The following RUBCN variants were observed in gnomAD, a reference collection of about 807,000 sequenced individuals.
The protein encoded by RUBCN is run domain Beclin-1-interacting and cysteine-rich domain-containing protein.
Under a neutral mutation model 113.2 loss-of-function variants are expected in RUBCN, and 74 were observed. The observed-to-expected ratio is 0.65, with a 90% CI of 0.54 to 0.79. RUBCN has a LOEUF of 0.79. Among genes scored for constraint, RUBCN ranks in the 30% least tolerant of loss-of-function variants. The pLI is 0.00. For synonymous variants in RUBCN, 480 were observed against 490.0 expected (o/e 0.98, Z 0.27); for missense variants, 1,109 against 1,251.7 (o/e 0.89, Z 1.72).
chr3:197,676,649 G>A (rs1448455539), intron 18 of RUBCN: 19 of 1,394,816 alleles, frequency 1.4e-5, no homozygotes, highest in East Asian at 1.1e-4. Context: ...GGTCTTGCCC[G>A]GAGCTACCCA....
chr3:197,724,259 T>G (rs1429249557), intron 1 of RUBCN, among the ~76,000 whole-genome samples: 1 of 151,786 alleles, frequency 6.6e-6, no homozygotes, highest in African/African-American at 2.4e-5. Context: ...CATGTTATAA[T>G]AAGTATGTTA....
chr3:197,692,844 T>C (rs1187925417), intron 11 of RUBCN, among the ~76,000 whole-genome samples: 1 of 152,214 alleles, frequency 6.6e-6, no homozygotes, highest in Non-Finnish European at 1.5e-5. Flanking sequence ...ATGGGCTCTC[T>C]AGATTGTGTA....
intron 9 of RUBCN, 79 bp downstream of exon 9, chr3:197,695,787 A>T: frequency 7.7e-7 from 1 of 1,295,214 alleles, no homozygotes; most frequent in Admixed American, 1.7e-5. Flanking sequence ...CCAAAACCTC[A>T]TCAGAACAAA....
chr3:197,709,181 C>T (rs1472600354), intron 2 of RUBCN, among the ~76,000 whole-genome samples: 3 of 152,140 alleles, frequency 2.0e-5, no homozygotes, highest in Non-Finnish European at 2.9e-5. Context: ...TCCCTCACTT[C>T]GTCAATCAGT....
chr3:197,731,263 C>T (rs12233451), intron 1 of RUBCN, among the ~76,000 whole-genome samples: 3 of 152,156 alleles, frequency 2.0e-5, no homozygotes, highest in Admixed American at 2.0e-4. Flanking sequence ...TCAATCCATT[C>T]AACCCTGAGT....
intron 2 of RUBCN, among the ~76,000 whole-genome samples, chr3:197,714,454 G>A (rs966314698): frequency 4.6e-5 from 7 of 152,134 alleles, no homozygotes; most frequent in African/African-American, 1.7e-4. Context: ...CGGAGTAGCT[G>A]AGTCTACAGG....
chr3:197,732,214 T>C lies in RUBCN; in HGVS notation c.65+4441A>G, dbSNP rs143998956. On this transcript the variant is annotated intron_variant, in intron 1 of 19. Transcript: ENST00000296343. The stretch of plus-strand genomic sequence containing the variant: ...GCTGCAAGCTCAGCAGTAGACTGCA[T>C]GGCCAAGGCAGTCTAGGGAGACAGT... Among the ~76,000 whole-genome samples the C allele has an allele frequency of 3.8e-3, 581 of 152,266 alleles. 7 individuals are homozygous for C. Among genetic ancestry groups the C allele is most frequent in the African/African-American group, 0.013 (553 of 41,522 alleles).
At position 197,693,816 on chromosome 3, in the gene RUBCN, C is replaced by G. The variant is rs1560423728; in HGVS notation, c.1685G>C (p.Ser562Thr). Residue 562 changes from serine to threonine, a missense_variant and splice_region_variant, in exon 11 of 20, where the codon AGC becomes ACC. Physicochemically the swap from Ser to Thr is moderately conservative, Grantham distance 58 (BLOSUM62 1). Coordinates refer to ENST00000296343, the MANE Select transcript of RUBCN (RefSeq NM_014687.4). ...GGAGCTGCTGGAGGTGACCCGAAAG[C>G]CTGTTATGTTTAAAAACAAAAAGGA... ...LPMYQEAEHG[S>T]FRVTSSSSQF... is the part of the protein sequence containing the mutation. The G allele has an allele frequency of 5.0e-6, 8 of 1,611,948 alleles. No homozygotes were observed. Among genetic ancestry groups the G allele is most frequent in the Non-Finnish European group, 6.8e-6 (8 of 1,178,092 alleles).
rs1310477889 is a variant in RUBCN at position 197,678,295 on chromosome 3, CAACTGGCTTCAGACTGTCCTATGCTCTAA to C, written c.2431-783_2431-755del. Reference sequence around the variant, plus strand: ...GGCTCCAGACTGTCCTATGCTCTGACAACTGGCTTCAGACTGTCCTATGCTCTAACTCGACAACTGGCTTCAGACTGTCC... The same window carrying C: ...GGCTCCAGACTGTCCTATGCTCTGACCTCGACAACTGGCTTCAGACTGTCC... On this transcript the variant is annotated intron_variant, in intron 16 of 19. Transcript: ENST00000296343. Among the ~76,000 whole-genome samples, 808 of 152,166 alleles carry C rather than the reference CAACTGGCTTCAGACTGTCCTATGCTCTAA, an allele frequency of 5.3e-3. 6 individuals carry two copies. The highest frequency in any genetic ancestry group is 0.017 in the Middle Eastern group (5 of 294).
rs1274996203 is a variant in RUBCN, at chr3:197,704,639, G to A, written c.366C>T (p.Ala122=). ...GCAGGCTGTGCTGCAGCCACAGCTC[G>A]GCAACAGCACGTTCACTGGCACCAT... ...SADGASERAV[A]ELWLQHSLQY... Residue 122 remains alanine (A), a synonymous_variant, in exon 4 of 20, where the codon GCC becomes GCT. Coordinates refer to ENST00000296343, the MANE Select transcript of RUBCN (RefSeq NM_014687.4). 79 of 1,613,990 alleles carry A rather than the reference G, an allele frequency of 4.9e-5. No individual in the cohort carries two copies. The highest frequency in any genetic ancestry group is 1.3e-4 in the East Asian group (6 of 44,882).
At chr3:197,692,512 C>T (rs1013183703) in intron 11 of RUBCN, among the ~76,000 whole-genome samples, 1 of 151,662 alleles carries the variant, frequency 6.6e-6, no homozygotes, top group Admixed American at 6.6e-5. Context: ...TGACCTGTGT[C>T]TGGCATCTGA....
At chr3:197,729,145 C>CCA (rs1281871272) in intron 1 of RUBCN, among the ~76,000 whole-genome samples, 1 of 75,430 alleles carries the variant, frequency 1.3e-5, no homozygotes, top group African/African-American at 4.6e-5. Context: ...GACTCCGTCT[C>CCA]AAAAAAAAAA....
At chr3:197,734,581 G>A (rs1052919198) in intron 1 of RUBCN, among the ~76,000 whole-genome samples, 1 of 152,078 alleles carries the variant, frequency 6.6e-6, no homozygotes, top group Non-Finnish European at 1.5e-5. Flanking sequence ...TAGTTATAGG[G>A]ATTAAAGAAG....
intron 16 of RUBCN, among the ~76,000 whole-genome samples, chr3:197,680,166 T>G (rs1220438614): frequency 1.8e-5 from 2 of 113,562 alleles, no homozygotes; most frequent in African/African-American, 7.1e-5. Flanking sequence ...TGTCCTACGC[T>G]CTGACAACTG....
At chr3:197,692,800 T>C (rs1722569183) in intron 11 of RUBCN, among the ~76,000 whole-genome samples, 1 of 152,212 alleles carries the variant, frequency 6.6e-6, no homozygotes, top group Non-Finnish European at 1.5e-5. Context: ...GGAAGAAACA[T>C]GTGGTTCCTC....
Position 197,675,301 on chromosome 3 carries a change from C to G in RUBCN, c.2741-105G>C. ...CCTTCTCGCCACCAAGGCGTGGTGT[C>G]CCCTGGGGAGGCCCCGCGAGGTGCT... On this transcript the variant is annotated intron_variant, in intron 19 of 19. Transcript: ENST00000296343. This position sits in a 1 kb window ranked among gnomAD's most constrained non-coding sequence, Gnocchi z 4.4. 6.5e-7 allele frequency: 1 copy of G among 1,532,144 alleles called. No individual in the cohort carries two copies. The highest frequency in any genetic ancestry group is 9.0e-7 in the Non-Finnish European group (1 of 1,107,008). 94.9% of individuals were successfully genotyped at this position (1,532,144 alleles called of 1,614,324 possible). A position where few individuals can be genotyped will look rare whatever the true frequency, so the allele number is the denominator to read the frequency against.
chr3:197,719,612 C>T (rs959249285), intron 1 of RUBCN, among the ~76,000 whole-genome samples: 6 of 152,056 alleles, frequency 3.9e-5, no homozygotes, highest in Non-Finnish European at 7.4e-5. Flanking sequence ...TCAGATCTAC[C>T]TATAATTTCC....
chr3:197,748,689 G>A (rs1174810170), intron 1 of RUBCN, among the ~76,000 whole-genome samples: 4 of 152,186 alleles, frequency 2.6e-5, no homozygotes, highest in Non-Finnish European at 5.9e-5. Context: ...CCGCAAAATT[G>A]TCACTGCAAG....
chr3:197,730,676 TCAAA>T (rs1048393664), intron 1 of RUBCN, among the ~76,000 whole-genome samples: 5 of 150,814 alleles, frequency 3.3e-5, no homozygotes, highest in African/African-American at 9.8e-5. Context: ...TTATTGATGA[TCAAA>T]CAAAGAAACA....
Sources: gnomAD v4.1 joint callset for allele counts (sites outside exome capture counted in the v4.1 genomes callset) on GRCh38, gnomAD v4.1.1 for gene constraint, Gnocchi (gnomAD v3.1) non-coding constraint, MANE v1.5 for transcripts, NCBI Gene and HGNC (gene_info 2026-07-23, HGNC 2026-07-21) for gene names.